Variants in TRIM16 observed in about 807,000 individuals in gnomAD.
TRIM16 encodes the protein tripartite motif-containing protein 16.
Under a neutral mutation model 50.4 loss-of-function variants are expected in TRIM16, and 33 were observed. The ratio of observed to expected loss-of-function variants is 0.65; its 90% confidence interval spans 0.50 to 0.88. The LOEUF (loss-of-function observed/expected upper bound fraction) is 0.88, where lower values mean the gene tolerates loss of function less well. Ranked by LOEUF, TRIM16 falls within the 40% of genes least tolerant of loss-of-function variation. The pLI is 0.00. For synonymous variants in TRIM16, 229 were observed against 270.7 expected, an observed-to-expected ratio of 0.85 and a Z score of 1.51; for missense variants, 581 against 686.8, an observed-to-expected ratio of 0.85 and a Z score of 1.72.
intron 6 of TRIM16, among the ~76,000 whole-genome samples, chr17:15,666,594 C>T (rs539923940): frequency 0.023 from 3,507 of 152,188 alleles, 136 homozygotes; most frequent in African/African-American, 0.079. Context: ...TTCCAGGCAA[C>T]GAAGAATCTG....
In TRIM16 at chr17:15,677,659, C is replaced by T. The variant is rs1989005358; in HGVS notation, c.-527G>A. 1 of 1,037,740 alleles carries T rather than the reference C, an allele frequency of 9.6e-7. No homozygotes were observed. The highest frequency in any genetic ancestry group is 1.2e-6 in the Non-Finnish European group (1 of 856,086). 64.3% of individuals were successfully genotyped at this position (1,037,740 alleles called of 1,614,324 possible). ...GCAAGGTCCAGTTCTCTCCATTCTTCCTAGTGAAGTTCACAGCCACATCCT... is the reference window on the plus strand; with the variant it reads ...GCAAGGTCCAGTTCTCTCCATTCTTTCTAGTGAAGTTCACAGCCACATCCT... On this transcript the variant is annotated 5_prime_UTR_variant, in exon 5 of 12. Transcript: ENST00000649191.
rs1379622531 is a variant in TRIM16 at position 15,682,872 on chromosome 17, C to T, written c.-697G>A. On this transcript the variant is annotated 5_prime_UTR_variant, in exon 3 of 12. The change abolishes an upstream ATG in the 5' untranslated region. Transcript: ENST00000649191. ...CACTCACCACGCACCAGGTGCTTTC[C>T]ATAAATCAGTATTCACAGATGAGGA... 2.8e-5 allele frequency: 41 copies of T among 1,451,178 alleles called. No homozygotes were observed. In the East Asian group the frequency reaches 9.0e-4, roughly 32 times the overall value. 89.9% of individuals were successfully genotyped at this position (1,451,178 alleles called of 1,614,324 possible). A position where few individuals can be genotyped will look rare whatever the true frequency, so the allele number is the denominator to read the frequency against.
chr17:15,652,616 A>G (rs1207693875), intron 6 of TRIM16, among the ~76,000 whole-genome samples: 1 of 145,860 alleles, frequency 6.9e-6, no homozygotes, highest in East Asian at 2.0e-4. Context: ...ACCCACCACC[A>G]CGCCTGGCTC....
In TRIM16 at chr17:15,634,912, C is replaced by T. The variant is rs534900115; in HGVS notation, c.849+1124G>A. ...TAGATCTTAAGGGAAACTTGTGAGG[C>T]GGGAAGCCAAATGGTTATTAAATGG... On this transcript the variant is annotated intron_variant, in intron 9 of 11. Transcript: ENST00000649191. 2.5e-3 allele frequency among the ~76,000 whole-genome samples: 372 copies of T among 148,804 alleles called. 27 individuals carry two copies. The highest frequency in any genetic ancestry group is 3.8e-3 in the Non-Finnish European group (257 of 67,004).
intron 6 of TRIM16, among the ~76,000 whole-genome samples, chr17:15,661,178 T>C (rs1988220629): frequency 1.3e-5 from 2 of 152,226 alleles, no homozygotes; most frequent in Admixed American, 6.5e-5. Flanking sequence ...TCCTCTAAAA[T>C]GGGGATGTAG....
chr17:15,677,487 G>T (rs1988998068), intron 5 of TRIM16, 88 bp downstream of exon 5: 3 of 989,446 alleles, frequency 3.0e-6, no homozygotes, highest in Non-Finnish European at 3.6e-6. Context: ...AGCCTCATTT[G>T]TTACCATTCC....
intron 6 of TRIM16, among the ~76,000 whole-genome samples, chr17:15,653,601 C>CTCTTCTTATAAGAACA (rs1987834280): frequency 6.6e-6 from 1 of 152,202 alleles, no homozygotes; most frequent in African/African-American, 2.4e-5. Context: ...TCCTAATCTC[C>CTCTTCTTATAAGAACA]TCTTCTTATA....
chr17:15,645,195 T>C (rs953443142), intron 7 of TRIM16, among the ~76,000 whole-genome samples: 15 of 152,198 alleles, frequency 9.9e-5, no homozygotes, highest in African/African-American at 1.4e-4. Context: ...GTTTGCTTCA[T>C]AGGATTAGGA....
chr17:15,665,725 T>TA (rs1988470729), intron 6 of TRIM16, among the ~76,000 whole-genome samples: 2 of 151,482 alleles, frequency 1.3e-5, no homozygotes, highest in African/African-American at 4.9e-5. Flanking sequence ...CTTCCCAACT[T>TA]AGTCTCTCTT....
chr17:15,634,622 A>C, intron 9 of TRIM16, among the ~76,000 whole-genome samples: 2 of 120,630 alleles, frequency 1.7e-5, no homozygotes, highest in Non-Finnish European at 3.4e-5. Flanking sequence ...CAAGAGTGAA[A>C]CTCAGTCTCA....
intron 6 of TRIM16, among the ~76,000 whole-genome samples, chr17:15,665,866 A>G (rs1567686460): frequency 6.6e-6 from 1 of 152,116 alleles, no homozygotes. Flanking sequence ...ACTTTCTCAC[A>G]GGCACCTTGA....
At chr17:15,676,431 CTTTTT>C (rs57392285) in intron 6 of TRIM16, among the ~76,000 whole-genome samples, 1 of 125,732 alleles carries the variant, frequency 8.0e-6, no homozygotes, top group African/African-American at 3.1e-5. Context: ...AGAATTTTTT[CTTTTT>C]TTTTTTTTTT....
intron 6 of TRIM16, among the ~76,000 whole-genome samples, chr17:15,672,159 A>C (rs1389046691): frequency 6.6e-6 from 1 of 152,174 alleles, no homozygotes; most frequent in Non-Finnish European, 1.5e-5. Context: ...TTCATTGGAC[A>C]CATATCAGCC....
At chr17:15,639,045 C>CTTT (rs529832460) in intron 8 of TRIM16, among the ~76,000 whole-genome samples, 8 of 100,898 alleles carry the variant, frequency 7.9e-5, no homozygotes, top group Non-Finnish European at 1.3e-4. Flanking sequence ...TTCTCTCTCT[C>CTTT]TTTTTTTTTT....
In TRIM16 at chr17:15,640,766, G is replaced by T. The variant is rs867422199; in HGVS notation, c.615+1955C>A. On this transcript the variant is annotated intron_variant, in intron 8 of 11. Coordinates refer to ENST00000649191, the MANE Select transcript of TRIM16 (RefSeq NM_001348119.1). ...TGATCCAGGCTCTGCATTAGCTAAC[G>T]TGTCCTAGTTCCCCGGCTTACTCAC... Among the ~76,000 whole-genome samples, 3 of 148,494 alleles carry T rather than the reference G, an allele frequency of 2.0e-5. 1 individual carries two copies. Among genetic ancestry groups the T allele is most frequent in the Non-Finnish European group, 4.5e-5 (3 of 67,000 alleles).
At position 15,633,331 on chromosome 17, in the gene TRIM16, T is replaced by C. The variant is rs1190088077; in HGVS notation, c.850-657A>G. Among the ~76,000 whole-genome samples, 18 of 150,740 alleles carry C rather than the reference T, an allele frequency of 1.2e-4. 1 individual carries two copies. The highest frequency in any genetic ancestry group is 2.2e-4 in the Non-Finnish European group (15 of 67,674). ...AAACAGTTGTATGAAAATGATTAGA[T>C]AGAGCCATGGAAATCAAAACCAGAG... On this transcript the variant is annotated intron_variant, in intron 9 of 11. Coordinates refer to ENST00000649191, the MANE Select transcript of TRIM16 (RefSeq NM_001348119.1).
At chr17:15,648,859 A>AGGACAC (rs1177304460) in intron 7 of TRIM16, among the ~76,000 whole-genome samples, 1 of 152,234 alleles carries the variant, frequency 6.6e-6, no homozygotes, top group Non-Finnish European at 1.5e-5. Flanking sequence ...ACACAGGACA[A>AGGACAC]GGACACAGAA....
chr17:15,666,004 G>T (rs1473592056), intron 6 of TRIM16, among the ~76,000 whole-genome samples: 1 of 151,826 alleles, frequency 6.6e-6, no homozygotes, highest in Admixed American at 6.6e-5. Context: ...GAAACCCAGG[G>T]AGCATCCCTA....
chr17:15,632,847 T>C (rs1986503291), intron 9 of TRIM16, 173 bp from the exon 10 acceptor site: 2 of 819,808 alleles, frequency 2.4e-6, no homozygotes, highest in Non-Finnish European at 3.6e-6. Flanking sequence ...TAGAAAGCAC[T>C]TCTCTAGCTG....
Sources: gnomAD v4.1 joint callset for allele counts (sites outside exome capture counted in the v4.1 genomes callset) on GRCh38, gnomAD v4.1.1 for gene constraint, MANE v1.5 for transcripts, NCBI Gene and HGNC (gene_info 2026-07-23, HGNC 2026-07-21) for gene names.